The following SCN2A variants were observed in gnomAD, a reference collection of about 807,000 sequenced individuals.
SCN2A encodes sodium voltage-gated channel alpha subunit 2, also known as sodium channel protein type 2 subunit alpha.
In SCN2A, 20 loss-of-function variants were observed where a neutral mutation model predicts 188.7. That is an observed-to-expected ratio of 0.11 (90% CI 0.07 to 0.15). SCN2A has a LOEUF of 0.15. Ranked by LOEUF, SCN2A falls within the 10% of genes least tolerant of loss-of-function variation. The probability of loss-of-function intolerance (pLI) is 1.00; values close to 1 mark genes in which losing one functional copy is unlikely to be tolerated. For synonymous variants in SCN2A, 804 were observed against 833.1 expected (o/e 0.97, Z 0.60); for missense variants, 1,278 against 2,445.0 (o/e 0.52, Z 10.07).
chr2:165,275,849 G>C (rs353117), intron 1 of SCN2A, among the ~76,000 whole-genome samples: 39,583 of 151,512 alleles, frequency 0.26, 5,391 homozygotes, highest in South Asian at 0.29. Context: ...ATTCTCCTGC[G>C]TCAGCCTCCC....
rs1055176056 is a variant in SCN2A at position 165,295,754 on chromosome 2, T to C, written c.-51-19T>C. On this transcript the variant is annotated intron_variant, in intron 1 of 26. Coordinates refer to ENST00000375437, the MANE Select transcript of SCN2A (RefSeq NM_001040142.2). Reference sequence around the variant, plus strand: ...TTATTCTAATGGTCATTGCTTTTTTTCCCTCCCTGTTTCTGTAGCACTTTC... The same window carrying C: ...TTATTCTAATGGTCATTGCTTTTTTCCCCTCCCTGTTTCTGTAGCACTTTC... The C allele has an allele frequency of 3.1e-6, 5 of 1,611,186 alleles. No homozygotes were observed. The highest frequency in any genetic ancestry group is 1.7e-5 in the Admixed American group (1 of 59,730).
At chr2:165,373,866 T>C (rs1701173061) in intron 21 of SCN2A, among the ~76,000 whole-genome samples, 1 of 152,028 alleles carries the variant, frequency 6.6e-6, no homozygotes. Context: ...GTGCTGACAT[T>C]TGTCGTCCCC....
rs1331552676 is a variant in SCN2A, at chr2:165,386,998, G to A, written c.4804G>A (p.Val1602Ile). Residue 1602 changes from valine (V) to isoleucine (I), a missense_variant, in exon 26 of 27, where the codon GTC becomes ATC. Physicochemically the swap from Val to Ile is conservative, Grantham distance 29. Around this residue, in one of 17 missense-constraint regions of SCN2A, gnomAD observed 97 missense variants for 266.1 expected, o/e 0.36. Coordinates refer to ENST00000375437, the MANE Select transcript of SCN2A (RefSeq NM_001040142.2). ...ATGGAATATTTTTGATTTTGTGGTGGTCATTCTCTCCATTGTAGGTAAGAA... is the reference window on the plus strand; with the variant it reads ...ATGGAATATTTTTGATTTTGTGGTGATCATTCTCTCCATTGTAGGTAAGAA... ...IGWNIFDFVVVILSIVGMFLA... is the reference protein window; with the variant it reads ...IGWNIFDFVVIILSIVGMFLA... 1 of 1,613,682 alleles carries A rather than the reference G, an allele frequency of 6.2e-7. No individual in the cohort carries two copies. Among genetic ancestry groups the A allele is most frequent in the South Asian group, 1.1e-5 (1 of 91,076 alleles).
intron 17 of SCN2A, among the ~76,000 whole-genome samples, chr2:165,355,804 G>A (rs145472857): frequency 0.016 from 2,366 of 151,912 alleles, 57 homozygotes; most frequent in African/African-American, 0.053. Flanking sequence ...CGAGACCAGC[G>A]TGGCCAACAT....
intron 16 of SCN2A, among the ~76,000 whole-genome samples, chr2:165,346,307 ACTTGGTTCCATT>A (rs1237769431): frequency 5.9e-5 from 9 of 152,162 alleles, no homozygotes; most frequent in Non-Finnish European, 1.0e-4. Flanking sequence ...GTGTTTTCCA[ACTTGGTTCCATT>A]CTCCCAGTCA....
At position 165,389,404 on chromosome 2, in the gene SCN2A, G is replaced by C; in HGVS notation, c.5598G>C (p.Leu1866Phe). Residue 1866 changes from leucine to phenylalanine, a missense_variant, in exon 27 of 27, where the codon TTG becomes TTC. Leu to Phe is a conservative substitution (Grantham distance 22). This residue lies in a region of SCN2A where 54 missense variants were observed against 135.4 expected (regional missense o/e 0.40). Coordinates refer to ENST00000375437, the MANE Select transcript of SCN2A (RefSeq NM_001040142.2). This position sits in a 1 kb window ranked among gnomAD's most constrained non-coding sequence, Gnocchi z 4.2. ...TATTTGCTTTTACAAAGCGTGTTTT[G>C]GGTGAGAGTGGAGAGATGGATGCCC... The part of the protein sequence containing the change: ...DILFAFTKRV[L>F]GESGEMDALR... 1 of 1,613,912 alleles carries C rather than the reference G, an allele frequency of 6.2e-7. No individual in the cohort carries two copies. The highest frequency in any genetic ancestry group is 8.5e-7 in the Non-Finnish European group (1 of 1,179,954).
In SCN2A at chr2:165,374,871, A is replaced by G. The variant is rs1460431425; in HGVS notation, c.4159A>G (p.Lys1387Glu). ...CGTGGTCAACAACTACAGTGAGTGC[A>G]AAGCTCTCATTGAGAGCAATCAAAC... ...VSVVNNYSEC[K>E]ALIESNQTAR... Residue 1387 changes from lysine (K) to glutamate (E), a missense_variant, in exon 22 of 27, where the codon AAA (lysine) becomes GAA (glutamate). By Grantham distance (56) the Lys-to-Glu change is moderately conservative (BLOSUM62 1). Coordinates refer to ENST00000375437, the MANE Select transcript of SCN2A (RefSeq NM_001040142.2). The G allele has an allele frequency of 6.2e-7, 1 of 1,613,168 alleles. No homozygotes were observed. Among genetic ancestry groups the G allele is most frequent in the Non-Finnish European group, 8.5e-7 (1 of 1,179,360 alleles).
intron 1 of SCN2A, among the ~76,000 whole-genome samples, chr2:165,279,951 C>T (rs575423878): frequency 2.6e-5 from 4 of 152,236 alleles, no homozygotes; most frequent in East Asian, 1.9e-4. Flanking sequence ...TTTCCGTGCA[C>T]GAGCCCTTTT....
chr2:165,346,090 G>A (rs1013117987), intron 16 of SCN2A, among the ~76,000 whole-genome samples: 1 of 152,032 alleles, frequency 6.6e-6, no homozygotes, highest in East Asian at 1.9e-4. Flanking sequence ...TGTTAGTCTG[G>A]TGGGCTTCCC....
At position 165,389,511 on chromosome 2, in the gene SCN2A, G is replaced by T. The variant is rs747710683; in HGVS notation, c.5705G>T (p.Arg1902Leu). Reference protein sequence around the residue: ...SYEPITTTLKRKQEEVSAIII... With the variant: ...SYEPITTTLKLKQEEVSAIII... ...GAGCCCATTACGACCACGTTGAAACGCAAACAAGAGGAGGTGTCTGCTATT... is the reference window on the plus strand; with the variant it reads ...GAGCCCATTACGACCACGTTGAAACTCAAACAAGAGGAGGTGTCTGCTATT... The change falls in exon 27 of 27, where the codon CGC (arginine) becomes CTC (leucine). Residue 1902 changes from arginine to leucine, a missense_variant. Arg to Leu is a moderately radical substitution (Grantham distance 102, BLOSUM62 -2). Around this residue, in one of 17 missense-constraint regions of SCN2A, gnomAD observed 109 missense variants for 137.9 expected, o/e 0.79. Coordinates refer to ENST00000375437, the MANE Select transcript of SCN2A (RefSeq NM_001040142.2). This position sits in a 1 kb window ranked among gnomAD's most constrained non-coding sequence, Gnocchi z 4.2. The T allele has an allele frequency of 6.2e-7, 1 of 1,613,872 alleles. No homozygotes were observed. Among genetic ancestry groups the T allele is most frequent in the East Asian group, 2.2e-5 (1 of 44,844 alleles).
chr2:165,269,081 A>G (rs931869203), intron 1 of SCN2A: 3 of 152,120 alleles, frequency 2.0e-5, no homozygotes, highest in Admixed American at 1.3e-4. Flanking sequence ...TATCTATTGT[A>G]CTATGTAATG....
At chr2:165,378,002 T>C (rs903792698) in intron 23 of SCN2A, among the ~76,000 whole-genome samples, 1 of 151,792 alleles carries the variant, frequency 6.6e-6, no homozygotes, top group Non-Finnish European at 1.5e-5. Flanking sequence ...CTGTAATATA[T>C]TTCCTCCAGC....
chr2:165,253,663 T>C (rs924901527), intron 1 of SCN2A, among the ~76,000 whole-genome samples: 1 of 152,042 alleles, frequency 6.6e-6, no homozygotes, highest in African/African-American at 2.4e-5. Context: ...TCATCCCTTG[T>C]AGAAACTAAG....
intron 8 of SCN2A, 101 bp downstream of exon 8, chr2:165,312,189 A>G: frequency 2.4e-6 from 2 of 842,050 alleles, no homozygotes; most frequent in Non-Finnish European, 2.0e-6. Context: ...CTCACTCAAA[A>G]CCCTCCATAA....
At chr2:165,286,470 G>A (rs1330209291) in intron 1 of SCN2A, among the ~76,000 whole-genome samples, 1 of 152,146 alleles carries the variant, frequency 6.6e-6, no homozygotes, top group Non-Finnish European at 1.5e-5. Flanking sequence ...TTTAAAATAT[G>A]CTTCCATATT....
chr2:165,265,515 A>ATAT (rs1188795670), intron 1 of SCN2A, among the ~76,000 whole-genome samples: 1 of 115,488 alleles, frequency 8.7e-6, no homozygotes. Flanking sequence ...ATATATATAT[A>ATAT]TTGCTGTGCA....
rs1700976600 is a variant in SCN2A at position 165,370,651 on chromosome 2, T to C, written c.3849+352T>C. Reference sequence around the variant, plus strand: ...AAATTTTTCACAGGCATCTTTGACATTAGTATGTTTGTCATCACTAAAGCC... The same window carrying C: ...AAATTTTTCACAGGCATCTTTGACACTAGTATGTTTGTCATCACTAAAGCC... On this transcript the variant is annotated intron_variant, in intron 20 of 26. Transcript: ENST00000375437. 1.9e-5 allele frequency: 5 copies of C among 265,866 alleles called. No individual in the cohort carries two copies. The South Asian group carries it at 2.3e-4, about 12-fold the overall frequency. The allele number at this position is 265,866 out of a possible 1,614,324, so 16.5% of individuals were successfully genotyped here. A position where few individuals can be genotyped will look rare whatever the true frequency, so the allele number is the denominator to read the frequency against.
At chr2:165,264,827 T>G (rs944199155) in intron 1 of SCN2A, among the ~76,000 whole-genome samples, 1 of 152,186 alleles carries the variant, frequency 6.6e-6, no homozygotes, top group African/African-American at 2.4e-5. Context: ...TGCATAATAT[T>G]CTGTGTTGTA....
chr2:165,262,859 T>C (rs1694667671), intron 1 of SCN2A, among the ~76,000 whole-genome samples: 1 of 152,174 alleles, frequency 6.6e-6, no homozygotes, highest in African/African-American at 2.4e-5. Flanking sequence ...TAGTTTATAT[T>C]CCCACCAACA....
Sources: allele counts gnomAD v4.1 joint callset (sites outside exome capture counted in the v4.1 genomes callset), GRCh38; gene constraint gnomAD v4.1.1; regional missense constraint gnomAD v4.1.1; non-coding constraint Gnocchi (gnomAD v3.1); transcripts MANE v1.5; gene names NCBI Gene and HGNC (gene_info 2026-07-23, HGNC 2026-07-21).